CNTNAP2: variants seen among roughly 807,000 people sequenced by gnomAD.
CNTNAP2 encodes the protein contactin-associated protein-like 2.
In CNTNAP2, 98 loss-of-function variants were observed where a neutral mutation model predicts 155.2. The ratio of observed to expected loss-of-function variants is 0.63; its 90% CI spans 0.54 to 0.75. The LOEUF (loss-of-function observed/expected upper bound fraction) is 0.75. Among genes scored for constraint, CNTNAP2 ranks in the 30% least tolerant of loss-of-function variants. The pLI, the probability that CNTNAP2 is intolerant of heterozygous loss-of-function variation, is 0.00. For missense variants in CNTNAP2, 1,727 were observed against 1,688.1 expected, an observed-to-expected ratio of 1.02 and a Z score of -0.40; for synonymous variants, 651 against 631.2, an observed-to-expected ratio of 1.03 and a Z score of -0.47.
intron 8 of CNTNAP2, among the ~76,000 whole-genome samples, chr7:147,270,565 C>T (rs564153580): frequency 5.3e-5 from 8 of 152,180 alleles, no homozygotes; most frequent in Non-Finnish European, 1.0e-4. Context: ...ACTCTTAGCC[C>T]TGGCTGTATG....
At chr7:147,581,383 A>C (rs558118503) in intron 12 of CNTNAP2, among the ~76,000 whole-genome samples, 3 of 152,366 alleles carry the variant, frequency 2.0e-5, no homozygotes, top group African/African-American at 7.2e-5. Context: ...ATCTACCTTC[A>C]TAGGAGAAAC....
intron 15 of CNTNAP2, among the ~76,000 whole-genome samples, chr7:148,023,522 G>A (rs1012460932): frequency 2.0e-5 from 3 of 152,262 alleles, no homozygotes; most frequent in African/African-American, 7.2e-5. Context: ...GGAAAGAAAT[G>A]CCAATAGCCC....
chr7:147,741,518 A>G (rs1796957207), intron 13 of CNTNAP2, among the ~76,000 whole-genome samples: 1 of 152,234 alleles, frequency 6.6e-6, no homozygotes, highest in Non-Finnish European at 1.5e-5. Flanking sequence ...GTTTCTTGAA[A>G]CAAGAGTTTA....
intron 13 of CNTNAP2, among the ~76,000 whole-genome samples, chr7:147,667,645 A>G (rs1036295694): frequency 6.6e-6 from 1 of 152,044 alleles, no homozygotes; most frequent in Non-Finnish European, 1.5e-5. Flanking sequence ...GGTCCCACAC[A>G]TGCTCCTTTT....
intron 15 of CNTNAP2, among the ~76,000 whole-genome samples, chr7:148,003,807 T>G (rs1249714524): frequency 6.6e-6 from 1 of 152,228 alleles, no homozygotes; most frequent in Non-Finnish European, 1.5e-5. Flanking sequence ...TTTCACTAAT[T>G]AAGATAAATA....
At chr7:147,307,653 TAAACTC>T (rs1392835435) in intron 9 of CNTNAP2, among the ~76,000 whole-genome samples, 2 of 152,230 alleles carry the variant, frequency 1.3e-5, no homozygotes, top group Non-Finnish European at 2.9e-5. Context: ...TATAAGTCCT[TAAACTC>T]AAACTGTAAT....
At chr7:146,626,893 C>T (rs1585013429) in intron 1 of CNTNAP2, among the ~76,000 whole-genome samples, 1 of 152,088 alleles carries the variant, frequency 6.6e-6, no homozygotes, top group South Asian at 2.1e-4. Context: ...TTCTGAAGGC[C>T]TAACTTCATT....
At chr7:148,022,270 C>T (rs559586868) in intron 15 of CNTNAP2, among the ~76,000 whole-genome samples, 1 of 152,122 alleles carries the variant, frequency 6.6e-6, no homozygotes, top group South Asian at 2.1e-4. Context: ...GAGTTCGAGA[C>T]CAGCCCGGGA....
At chr7:146,149,053 G>A (rs1290116042) in intron 1 of CNTNAP2, among the ~76,000 whole-genome samples, 6 of 151,810 alleles carry the variant, frequency 4.0e-5, no homozygotes, top group Non-Finnish European at 7.4e-5. Context: ...ATGGGGGAGG[G>A]AAGGCATTAG....
intron 13 of CNTNAP2, among the ~76,000 whole-genome samples, chr7:147,735,059 G>T (rs1189747397): frequency 1.3e-5 from 2 of 150,472 alleles, no homozygotes; most frequent in Admixed American, 6.6e-5. Context: ...TTTGCCTTCT[G>T]CTAGCTTTTG....
chr7:146,530,232 AG>A (rs1797750243), intron 1 of CNTNAP2, among the ~76,000 whole-genome samples: 1 of 152,168 alleles, frequency 6.6e-6, no homozygotes, highest in Non-Finnish European at 1.5e-5. Flanking sequence ...AATCAACTCA[AG>A]ATGGATTAAA....
At chr7:148,180,655 T>A (rs536380093) in intron 18 of CNTNAP2, among the ~76,000 whole-genome samples, 1 of 152,160 alleles carries the variant, frequency 6.6e-6, no homozygotes, top group African/African-American at 2.4e-5. Context: ...AGGGCCTATA[T>A]ACCATAGAGA....
intron 13 of CNTNAP2, among the ~76,000 whole-genome samples, chr7:147,723,410 T>A (rs906519586): frequency 6.6e-6 from 1 of 151,842 alleles, no homozygotes; most frequent in Non-Finnish European, 1.5e-5. Flanking sequence ...AAAGAAAAAA[T>A]TTAATAAAAA....
chr7:148,097,714 G>A (rs776919653), intron 15 of CNTNAP2, among the ~76,000 whole-genome samples: 7 of 152,132 alleles, frequency 4.6e-5, no homozygotes, highest in Non-Finnish European at 2.9e-5. Flanking sequence ...TGTGGATAGC[G>A]GTCTTTTGAA....
chr7:146,457,705 G>A lies in CNTNAP2; in HGVS notation c.98-316566G>A, dbSNP rs916155842. On this transcript the variant is annotated intron_variant, in intron 1 of 23. Coordinates refer to ENST00000361727, the MANE Select transcript of CNTNAP2 (RefSeq NM_014141.6). Reference sequence around the variant, plus strand: ...TTTTTAGTAGAGACTGGGTTTCACCGTGTTAGCAAGGATGGTCTCGATCTC... The same window carrying A: ...TTTTTAGTAGAGACTGGGTTTCACCATGTTAGCAAGGATGGTCTCGATCTC... 2.5e-4 allele frequency among the ~76,000 whole-genome samples: 38 copies of A among 150,786 alleles called. 1 individual carries two copies. The highest frequency in any genetic ancestry group is 1.6e-3 in the Admixed American group (24 of 15,110).
intron 1 of CNTNAP2, among the ~76,000 whole-genome samples, chr7:146,478,132 G>C (rs1796906538): frequency 6.6e-6 from 1 of 151,954 alleles, no homozygotes; most frequent in South Asian, 2.1e-4. Context: ...CTGAGTTTGC[G>C]GCTTTTCTTT....
Position 148,309,775 on chromosome 7 carries a change from G to A in CNTNAP2, c.3475+42649G>A, listed in dbSNP as rs906892748. The stretch of plus-strand genomic sequence containing the variant: ...AGGAACCGGCCATCTGGATGTATAC[G>A]TGCAGGTCACAGGGGATATGATGGC... On this transcript the variant is annotated intron_variant, in intron 21 of 23. Coordinates refer to ENST00000361727, the MANE Select transcript of CNTNAP2 (RefSeq NM_014141.6). Among the ~76,000 whole-genome samples, 5 of 152,174 alleles carry A rather than the reference G, an allele frequency of 3.3e-5. No individual in the cohort carries two copies. In the South Asian group the frequency reaches 6.2e-4, roughly 19 times the overall value.
Position 147,324,713 on chromosome 7 carries a change from A to G in CNTNAP2, c.1498+24423A>G, listed in dbSNP as rs372675831. Among the ~76,000 whole-genome samples the G allele has an allele frequency of 5.9e-5, 9 of 151,610 alleles. No individual in the cohort carries two copies. The East Asian group carries it at 1.5e-3, about 26-fold the overall frequency. ...TTTTACTTTTTTTTTCTAGTTTATC[A>G]TTTGTTTTTCAAAGAAAAATATCTT... On this transcript the variant is annotated intron_variant, in intron 9 of 23. Coordinates refer to ENST00000361727, the MANE Select transcript of CNTNAP2 (RefSeq NM_014141.6).
At chr7:147,441,843 CTCTCT>C (rs1797643404) in intron 10 of CNTNAP2, among the ~76,000 whole-genome samples, 19 of 146,062 alleles carry the variant, frequency 1.3e-4, no homozygotes, top group Admixed American at 2.0e-4. Context: ...CTCTCTCTCT[CTCTCT>C]CTCCCTCCCT....
Sources: allele counts gnomAD v4.1 joint callset (sites outside exome capture counted in the v4.1 genomes callset), GRCh38; gene constraint gnomAD v4.1.1; transcripts MANE v1.5; gene names NCBI Gene and HGNC (gene_info 2026-07-23, HGNC 2026-07-21).